UNC80: variants seen among roughly 807,000 people sequenced by gnomAD.
UNC80 encodes protein unc-80 homolog.
In UNC80, 164 loss-of-function variants were observed where a neutral mutation model predicts 384.6. The observed-to-expected ratio is 0.43, with a 90% CI of 0.38 to 0.49. The LOEUF is 0.49. Ranked by LOEUF, UNC80 falls within the 20% of genes least tolerant of loss-of-function variation. UNC80 has a pLI of 0.00. For missense variants in UNC80, 3,330 were observed against 4,143.0 expected (o/e 0.80, Z 5.39); for synonymous variants, 1,486 against 1,527.8 (o/e 0.97, Z 0.64).
chr2:209,910,351 G>A (rs886472129), intron 29 of UNC80, among the ~76,000 whole-genome samples: 3 of 151,834 alleles, frequency 2.0e-5, no homozygotes, highest in Non-Finnish European at 4.4e-5. Context: ...CACCAATAGA[G>A]GGACTTTAAG....
chr2:209,831,509 G>A lies in UNC80; in HGVS notation c.2693G>A (p.Gly898Asp), dbSNP rs1559161978. 17 of 1,551,436 alleles carry A rather than the reference G, an allele frequency of 1.1e-5. No individual in the cohort carries two copies. Among genetic ancestry groups the A allele is most frequent in the Non-Finnish European group, 1.4e-5 (16 of 1,146,862 alleles). Residue 898 changes from glycine to aspartate, a missense_variant, in exon 16 of 65, where the codon GGC becomes GAC. Physicochemically the swap from Gly to Asp is moderately conservative, Grantham distance 94 (BLOSUM62 -1). This residue lies in a region of UNC80 where 937 missense variants were observed against 1,026.8 expected (regional missense o/e 0.91). Transcript: ENST00000673920. ...DNKSTAQNVE[G>D]IIVSAMFKSL... ...AAATCCACAGCCCAAAATGTGGAAGGCATTATCGTCAGCGCCATGTTTAAA... is the reference window on the plus strand; with the variant it reads ...AAATCCACAGCCCAAAATGTGGAAGACATTATCGTCAGCGCCATGTTTAAA...
At chr2:209,788,403 G>A (rs2077584006) in intron 5 of UNC80, among the ~76,000 whole-genome samples, 1 of 146,818 alleles carries the variant, frequency 6.8e-6, no homozygotes. Context: ...GGCAACAAGA[G>A]CAAAACTCCA....
Position 209,775,975 on chromosome 2 carries a change from A to T in UNC80, c.228A>T (p.Glu76Asp). Residue 76 changes from glutamate to aspartate, a missense_variant, in exon 3 of 65, where the codon GAA becomes GAT. By Grantham distance (45) the Glu-to-Asp change is conservative (BLOSUM62 2). Around this residue, in one of 8 missense-constraint regions of UNC80, gnomAD observed 86 missense variants for 141.5 expected, o/e 0.61. Coordinates refer to ENST00000673920, the MANE Select transcript of UNC80 (RefSeq NM_001371986.1). ...SEAIQSISRW[E>D]LVQAALPHVL... ...CCATCCAGAGCATTTCCAGATGGGA[A>T]CTGGTGCAAGCTGCTTTGCCTCATG... 1 of 1,614,182 alleles carries T rather than the reference A, an allele frequency of 6.2e-7. No individual in the cohort carries two copies. Among genetic ancestry groups the T allele is most frequent in the Non-Finnish European group, 8.5e-7 (1 of 1,180,022 alleles).
At chr2:209,864,868 T>C (rs1189035794) in intron 22 of UNC80, among the ~76,000 whole-genome samples, 4 of 152,240 alleles carry the variant, frequency 2.6e-5, no homozygotes, top group Admixed American at 2.6e-4. Context: ...CAGCCAGTGC[T>C]GGTCGCTTCT....
At chr2:209,806,555 A>G (rs2078912679) in intron 7 of UNC80, among the ~76,000 whole-genome samples, 1 of 152,256 alleles carries the variant, frequency 6.6e-6, no homozygotes, top group South Asian at 2.1e-4. Flanking sequence ...GTTGGTTGCC[A>G]TGGAAATGAT....
At chr2:209,983,227 G>A (rs1443718809) in intron 60 of UNC80, among the ~76,000 whole-genome samples, 1 of 152,100 alleles carries the variant, frequency 6.6e-6, no homozygotes, top group African/African-American at 2.4e-5. Flanking sequence ...TAATTACCCT[G>A]TACCCAAATC....
intron 21 of UNC80, among the ~76,000 whole-genome samples, chr2:209,844,407 T>C (rs1213421623): frequency 6.6e-6 from 1 of 151,374 alleles, no homozygotes; most frequent in Admixed American, 6.6e-5. Context: ...CCTTCCTTCC[T>C]TTCCTTCTCT....
At chr2:209,860,621 C>G (rs2083279409) in intron 22 of UNC80, among the ~76,000 whole-genome samples, 1 of 152,166 alleles carries the variant, frequency 6.6e-6, no homozygotes, top group Non-Finnish European at 1.5e-5. Context: ...AGCATTGAAT[C>G]TATAAATTAC....
rs2079660836 is a variant in UNC80 at position 209,815,410 on chromosome 2, G to C, written c.1335+19G>C. The C allele has an allele frequency of 6.5e-7, 1 of 1,545,280 alleles. No individual in the cohort carries two copies. Among genetic ancestry groups the C allele is most frequent in the Non-Finnish European group, 8.7e-7 (1 of 1,142,928 alleles). On this transcript the variant is annotated intron_variant, in intron 9 of 64. Transcript: ENST00000673920. ...TAAAAAGGTGAGTAGAAATGCTTAT[G>C]CTCTTTGATATTTTGGTAAATAAAA...
intron 15 of UNC80, 52 bp downstream of exon 15, chr2:209,829,431 G>T: frequency 6.5e-7 from 1 of 1,541,712 alleles, no homozygotes; most frequent in Non-Finnish European, 8.8e-7. Context: ...AGGTGAATCA[G>T]GTAGTGTTTC....
At chr2:209,875,872 T>C (rs1226901717) in intron 23 of UNC80, among the ~76,000 whole-genome samples, 4 of 152,228 alleles carry the variant, frequency 2.6e-5, no homozygotes, top group Admixed American at 1.3e-4. Context: ...TTTATTTCTT[T>C]ATTTTTTTAT....
At chr2:209,977,163 C>A in intron 58 of UNC80, 85 bp downstream of exon 58, 1 of 1,277,798 alleles carries the variant, frequency 7.8e-7, no homozygotes, top group Non-Finnish European at 1.0e-6. Flanking sequence ...GGTCACCACA[C>A]TTTTTGGAAC....
At chr2:209,873,042 G>T in intron 23 of UNC80, 72 bp downstream of exon 23, 1 of 1,393,722 alleles carries the variant, frequency 7.2e-7, no homozygotes, top group Non-Finnish European at 9.9e-7. Flanking sequence ...GATTGATTGT[G>T]TTTGTTTTGA....
chr2:209,867,219 A>G (rs1302027393), intron 22 of UNC80, among the ~76,000 whole-genome samples: 5 of 152,222 alleles, frequency 3.3e-5, no homozygotes, highest in African/African-American at 1.2e-4. Context: ...CCTACAATGG[A>G]TCTACTGAAT....
intron 22 of UNC80, among the ~76,000 whole-genome samples, chr2:209,871,731 T>TA (rs1280890606): frequency 2.6e-5 from 4 of 151,906 alleles, no homozygotes; most frequent in African/African-American, 7.3e-5. Context: ...TAACTTTTTT[T>TA]AAAAAATCTT....
At position 209,976,798 on chromosome 2, in the gene UNC80, G is replaced by C; in HGVS notation, c.8773-115G>C. 1 of 1,202,540 alleles carries C rather than the reference G, an allele frequency of 8.3e-7. No individual in the cohort carries two copies. Among genetic ancestry groups the C allele is most frequent in the Non-Finnish European group, 1.1e-6 (1 of 881,334 alleles). The allele number at this position is 1,202,540 out of a possible 1,614,324, so 74.5% of individuals were successfully genotyped here. On this transcript the variant is annotated intron_variant, in intron 57 of 64. Transcript: ENST00000673920. The surrounding 1 kb of genome is among the most constrained non-coding windows in gnomAD (Gnocchi z 4.3). ...ACTTCCTGTGTAAAGTGCCGTTCTA[G>C]GAACATCACATGCATTACCTTATTT... is the stretch of plus-strand genomic sequence containing the variant.
At chr2:209,835,164 C>A (rs1045431427) in intron 18 of UNC80, among the ~76,000 whole-genome samples, 154 bp downstream of exon 18, 1 of 152,180 alleles carries the variant, frequency 6.6e-6, no homozygotes, top group African/African-American at 2.4e-5. Context: ...GCCACTAACT[C>A]TCCAGGCCAA....
chr2:209,890,819 A>G (rs2086259443), intron 26 of UNC80, among the ~76,000 whole-genome samples: 1 of 152,224 alleles, frequency 6.6e-6, no homozygotes, highest in African/African-American at 2.4e-5. Flanking sequence ...GGGTTTTTAA[A>G]TATACATAAT....
rs558835257 is a variant in UNC80, at chr2:209,813,982, C to T, written c.1200+141C>T. The T allele has an allele frequency of 1.1e-5, 12 of 1,109,334 alleles. No homozygotes were observed. In the African/African-American group the frequency reaches 1.1e-4, roughly 10 times the overall value. The allele number at this position is 1,109,334 out of a possible 1,614,324, so 68.7% of individuals were successfully genotyped here. On this transcript the variant is annotated intron_variant, in intron 8 of 64. Transcript: ENST00000673920. ...TTACACTGTTTCTATTATCTTTTCC[C>T]TTCCATCTTGCATGCTTGACCCTTT...
Sources: gnomAD v4.1 joint callset for allele counts (sites outside exome capture counted in the v4.1 genomes callset) on GRCh38, gnomAD v4.1.1 for gene constraint, gnomAD v4.1.1 regional missense constraint, Gnocchi (gnomAD v3.1) non-coding constraint, MANE v1.5 for transcripts, NCBI Gene and HGNC (gene_info 2026-07-23, HGNC 2026-07-21) for gene names.